The following SLAMF6 variants were observed in gnomAD, a reference collection of about 807,000 sequenced individuals.
The protein encoded by SLAMF6 is SLAM family member 6.
In SLAMF6, 21 loss-of-function variants were observed where a neutral mutation model predicts 38.3. That is an observed-to-expected ratio of 0.55 (90% CI 0.39 to 0.79). The LOEUF is 0.79. Ranked by LOEUF, SLAMF6 falls within the 30% of genes least tolerant of loss-of-function variation. The probability of loss-of-function intolerance (pLI) is 0.00; values close to 1 mark genes in which losing one functional copy is unlikely to be tolerated. For synonymous variants in SLAMF6, 152 were observed against 146.3 expected, an observed-to-expected ratio of 1.04 and a Z score of -0.28; for missense variants, 341 against 385.3, an observed-to-expected ratio of 0.89 and a Z score of 0.96.
chr1:160,499,594 A>G (rs1283633414), intron 1 of SLAMF6, among the ~76,000 whole-genome samples: 1 of 152,224 alleles, frequency 6.6e-6, no homozygotes. Context: ...AATTCTGTGA[A>G]GAATGACATT....
intron 2 of SLAMF6, 22 bp from the exon 3 acceptor site, chr1:160,491,410 A>G: frequency 6.3e-7 from 1 of 1,599,134 alleles, no homozygotes. Flanking sequence ...AAAAAAAAAG[A>G]TCCAGATTAA....
At chr1:160,493,591 C>T (rs1252716940) in intron 2 of SLAMF6, among the ~76,000 whole-genome samples, 1 of 152,138 alleles carries the variant, frequency 6.6e-6, no homozygotes, top group African/African-American at 2.4e-5. Flanking sequence ...ATAACAGTGC[C>T]TTGGACGTTA....
chr1:160,501,828 G>T (rs1394008236), intron 1 of SLAMF6, among the ~76,000 whole-genome samples: 1 of 151,854 alleles, frequency 6.6e-6, no homozygotes, highest in Non-Finnish European at 1.5e-5. Context: ...ATTTATGGGG[G>T]TTTTGCATTG....
intron 1 of SLAMF6, among the ~76,000 whole-genome samples, chr1:160,506,506 C>T (rs1391905005): frequency 1.3e-5 from 2 of 152,096 alleles, no homozygotes; most frequent in African/African-American, 2.4e-5. Context: ...TAGACTTGTA[C>T]TGTAAGAAAT....
chr1:160,511,399 G>A (rs2102058214), intron 1 of SLAMF6, among the ~76,000 whole-genome samples: 1 of 152,234 alleles, frequency 6.6e-6, no homozygotes, highest in East Asian at 1.9e-4. Context: ...ATTAAATTGA[G>A]AGTCCATAAA....
intron 5 of SLAMF6, 140 bp downstream of exon 5, chr1:160,490,058 C>T (rs1194188767): frequency 3.2e-6 from 3 of 942,966 alleles, no homozygotes; most frequent in Non-Finnish European, 5.1e-6. Context: ...CAGATCATCT[C>T]CCCTCACAGC....
chr1:160,518,707 G>T (rs1230204665), intron 1 of SLAMF6, among the ~76,000 whole-genome samples: 1 of 152,006 alleles, frequency 6.6e-6, no homozygotes, highest in Non-Finnish European at 1.5e-5. Flanking sequence ...TTAAGTGGGA[G>T]CTGAACAATG....
chr1:160,499,199 C>A (rs528094518), intron 1 of SLAMF6, among the ~76,000 whole-genome samples: 10 of 152,108 alleles, frequency 6.6e-5, no homozygotes, highest in Non-Finnish European at 1.5e-4. Flanking sequence ...TGAGGTTTTA[C>A]ATTTAAATAT....
At chr1:160,496,759 G>A (rs957874079) in intron 1 of SLAMF6, among the ~76,000 whole-genome samples, 3 of 152,158 alleles carry the variant, frequency 2.0e-5, no homozygotes, top group African/African-American at 4.8e-5. Flanking sequence ...TCCAAAAACT[G>A]CAAGTCTTTG....
intron 3 of SLAMF6, 87 bp downstream of exon 3, chr1:160,491,038 G>A: frequency 6.5e-7 from 1 of 1,528,022 alleles, no homozygotes. Flanking sequence ...CTCCCACTGG[G>A]CCACTGTATT....
intron 1 of SLAMF6, among the ~76,000 whole-genome samples, chr1:160,504,017 C>A (rs1304539441): frequency 8.3e-3 from 715 of 86,616 alleles, no homozygotes; most frequent in South Asian, 0.011. Flanking sequence ...GACTCTATCT[C>A]AAAAAAAAAA....
At chr1:160,510,739 C>A (rs958182578) in intron 1 of SLAMF6, among the ~76,000 whole-genome samples, 1 of 151,886 alleles carries the variant, frequency 6.6e-6, no homozygotes, top group Admixed American at 6.6e-5. Context: ...CTAGCCAGAG[C>A]AATTAGGCAA....
At chr1:160,499,822 G>T (rs1653790202) in intron 1 of SLAMF6, among the ~76,000 whole-genome samples, 1 of 152,136 alleles carries the variant, frequency 6.6e-6, no homozygotes, top group South Asian at 2.1e-4. Context: ...TTCATGAATT[G>T]TCATATGGGT....
intron 1 of SLAMF6, among the ~76,000 whole-genome samples, chr1:160,522,591 G>A (rs1160737016): frequency 6.6e-6 from 1 of 151,454 alleles, no homozygotes; most frequent in African/African-American, 2.4e-5. Context: ...GGACTAGCTA[G>A]CCCTAATTTG....
Position 160,491,520 on chromosome 1 carries a change from T to A in SLAMF6, c.383-132A>T. 4 of 1,311,898 alleles carry A rather than the reference T, an allele frequency of 3.0e-6. No homozygotes were observed. In the South Asian group the frequency reaches 6.0e-5, roughly 20 times the overall value. The allele number at this position is 1,311,898 out of a possible 1,614,324, so 81.3% of individuals were successfully genotyped here. ...TGTTATGGTCTGTAGACTCTGTAAA[T>A]GACTCTGCTTATATTGCCTAATTGA... On this transcript the variant is annotated intron_variant, in intron 2 of 7. Coordinates refer to ENST00000368057, the MANE Select transcript of SLAMF6 (RefSeq NM_001184714.2).
intron 1 of SLAMF6, among the ~76,000 whole-genome samples, chr1:160,503,353 C>T (rs1026113676): frequency 4.6e-5 from 7 of 152,074 alleles, no homozygotes; most frequent in Non-Finnish European, 8.8e-5. Flanking sequence ...ACGCACCATT[C>T]ATGGAGTCCA....
rs542113302 is a variant in SLAMF6 at position 160,508,638 on chromosome 1, C to A, written c.50-12245G>T. Among the ~76,000 whole-genome samples the A allele has an allele frequency of 8.5e-5, 13 of 152,252 alleles. No individual in the cohort carries two copies. The South Asian group carries it at 2.7e-3, about 32-fold the overall frequency. On this transcript the variant is annotated intron_variant, in intron 1 of 7. Transcript: ENST00000368057. Reference sequence around the variant, plus strand: ...ACTAAAACACCAAAAGCAATGGCAACAAAAGCCAAAATAGACAAATGGGAT... The same window carrying A: ...ACTAAAACACCAAAAGCAATGGCAAAAAAAGCCAAAATAGACAAATGGGAT...
rs1296009459 is a variant in SLAMF6, at chr1:160,485,485, A to G, written c.*1222T>C. 2.0e-5 allele frequency: 3 copies of G among 152,242 alleles called. No homozygotes were observed. The highest frequency in any genetic ancestry group is 2.0e-4 in the Admixed American group (3 of 15,282). 9.4% of individuals were successfully genotyped at this position (152,242 alleles called of 1,614,324 possible). ...CTGCAGGAAGATGTAAATAATTAACATAAAGAACTTTTCCTTTAATAGAGG... is the reference window on the plus strand; with the variant it reads ...CTGCAGGAAGATGTAAATAATTAACGTAAAGAACTTTTCCTTTAATAGAGG... On this transcript the variant is annotated 3_prime_UTR_variant, in exon 8 of 8. Transcript: ENST00000368057.
chr1:160,501,887 G>T (rs150278303), intron 1 of SLAMF6, among the ~76,000 whole-genome samples: 203 of 152,198 alleles, frequency 1.3e-3, no homozygotes, highest in African/African-American at 4.7e-3. Flanking sequence ...AAAGGGAGAA[G>T]GAGCACAGGA....
Sources: allele counts gnomAD v4.1 joint callset (sites outside exome capture counted in the v4.1 genomes callset), GRCh38; gene constraint gnomAD v4.1.1; transcripts MANE v1.5; gene names NCBI Gene and HGNC (gene_info 2026-07-23, HGNC 2026-07-21).